Variants in CEP350 observed in about 807,000 individuals in gnomAD.
CEP350 encodes the protein centrosomal protein 350, also known as centrosome-associated protein 350.
A neutral mutation model predicts 331.8 loss-of-function variants in CEP350; 126 were observed. That is an observed-to-expected ratio of 0.38 (90% CI 0.33 to 0.44). The LOEUF (loss-of-function observed/expected upper bound fraction) is 0.44, where lower values mean the gene tolerates loss of function less well. Ranked by LOEUF, CEP350 falls within the 20% of genes least tolerant of loss-of-function variation. The pLI is 1.00. For missense variants in CEP350, 3,406 were observed against 3,634.6 expected, an observed-to-expected ratio of 0.94 and a Z score of 1.62; for synonymous variants, 1,200 against 1,259.5, an observed-to-expected ratio of 0.95 and a Z score of 1.00.
intron 29 of CEP350, among the ~76,000 whole-genome samples, chr1:180,079,951 C>T (rs1432172450): frequency 1.3e-5 from 2 of 152,102 alleles, no homozygotes; most frequent in Non-Finnish European, 2.9e-5. Context: ...TCATTTAACC[C>T]TCGCAAGAAT....
In CEP350 at chr1:180,094,050, G is replaced by T. The variant is rs369381946; in HGVS notation, c.7945G>T (p.Ala2649Ser). The T allele has an allele frequency of 2.9e-5, 46 of 1,613,662 alleles. No individual in the cohort carries two copies. The highest frequency in any genetic ancestry group is 3.7e-5 in the Non-Finnish European group (44 of 1,179,792). Residue 2649 changes from alanine to serine, a missense_variant, in exon 34 of 38, where the codon GCC becomes TCC. By Grantham distance (99) the Ala-to-Ser change is moderately conservative (BLOSUM62 1). Around this residue, in one of 5 missense-constraint regions of CEP350, gnomAD observed 1,415 missense variants for 1,512.3 expected, o/e 0.94. Transcript: ENST00000367607. The part of the protein sequence containing the change: ...NVQDISGVLE[A>S]HVHQQSSVDS... ...ACAGGACATTTCTGGGGTACTTGAA[G>T]CCCATGTTCACCAGCAGTCTTCAGT... is the stretch of plus-strand genomic sequence containing the variant.
intron 37 of CEP350, among the ~76,000 whole-genome samples, chr1:180,104,658 C>A (rs1405146663): frequency 6.6e-6 from 1 of 152,120 alleles, no homozygotes; most frequent in African/African-American, 2.4e-5. Flanking sequence ...CAGTCTCCCG[C>A]TCTTTAAAGT....
At chr1:180,062,119 A>G (rs1658263833) in intron 25 of CEP350, 101 bp from the exon 26 acceptor site, 2 of 1,041,474 alleles carry the variant, frequency 1.9e-6, no homozygotes. Flanking sequence ...AAAATACTAT[A>G]TGTATTTATT....
In CEP350 at chr1:180,091,039, C is replaced by G. The variant is rs112029781; in HGVS notation, c.6508+243C>G. ...TTTTTGTTCGAGACAGGGTCTCACT[C>G]TGTCACCCAAGCTGGAGTGCAGTGG... is the stretch of plus-strand genomic sequence containing the variant. On this transcript the variant is annotated intron_variant, in intron 33 of 37. Transcript: ENST00000367607. Among the ~76,000 whole-genome samples, 825 of 151,370 alleles carry G rather than the reference C, an allele frequency of 5.5e-3. 12 individuals carry two copies. Among genetic ancestry groups the G allele is most frequent in the African/African-American group, 0.019 (769 of 41,240 alleles).
intron 37 of CEP350, among the ~76,000 whole-genome samples, chr1:180,099,645 GA>G (rs1206546548): frequency 1.3e-5 from 2 of 151,772 alleles, no homozygotes; most frequent in Non-Finnish European, 2.9e-5. Context: ...TTTATATAAT[GA>G]AAAAAAGTGT....
intron 14 of CEP350, among the ~76,000 whole-genome samples, chr1:180,030,938 G>A (rs1163495141): frequency 6.6e-6 from 1 of 152,172 alleles, no homozygotes; most frequent in African/African-American, 2.4e-5. Flanking sequence ...AAAGAATTAT[G>A]TAGTTCAATT....
At chr1:180,087,806 C>T in intron 32 of CEP350, 89 bp downstream of exon 32, 1 of 1,238,768 alleles carries the variant, frequency 8.1e-7, no homozygotes, top group Non-Finnish European at 1.0e-6. Flanking sequence ...CTTTAAGTAA[C>T]TGAAATTACA....
chr1:180,089,765 G>A (rs1479095380), intron 32 of CEP350, among the ~76,000 whole-genome samples: 1 of 152,150 alleles, frequency 6.6e-6, no homozygotes, highest in Non-Finnish European at 1.5e-5. Flanking sequence ...TTAAGTGCCT[G>A]TTGTTTAAGT....
At chr1:180,043,238 G>A (rs1558122775) in intron 20 of CEP350, 46 bp downstream of exon 20, 1 of 1,544,524 alleles carries the variant, frequency 6.5e-7, no homozygotes, top group Non-Finnish European at 8.8e-7. Context: ...TGTCTGTTAG[G>A]TTAATATTCA....
intron 14 of CEP350, among the ~76,000 whole-genome samples, chr1:180,027,003 A>T (rs1204119909): frequency 1.3e-5 from 2 of 152,230 alleles, no homozygotes; most frequent in African/African-American, 4.8e-5. Context: ...TGGTAATGCC[A>T]TGTTTAATTT....
At chr1:180,065,079 A>G (rs2149021934) in intron 26 of CEP350, 36 bp from the exon 27 acceptor site, 1 of 1,552,248 alleles carries the variant, frequency 6.4e-7, no homozygotes, top group Non-Finnish European at 8.7e-7. Context: ...AGGTCCTATT[A>G]AAGTCCAATA....
intron 29 of CEP350, among the ~76,000 whole-genome samples, chr1:180,079,166 C>T (rs1207930973): frequency 3.4e-5 from 5 of 148,570 alleles, no homozygotes; most frequent in South Asian, 2.1e-4. Flanking sequence ...TGTCCTTAAT[C>T]GTGTACTTTA....
intron 37 of CEP350, among the ~76,000 whole-genome samples, chr1:180,104,235 T>C (rs16855286): frequency 0.035 from 5,344 of 151,544 alleles, 179 homozygotes; most frequent in African/African-American, 0.071. Context: ...TTTTTTGATA[T>C]ATTCCAAGAG....
At position 180,099,033 on chromosome 1, in the gene CEP350, A is replaced by G; in HGVS notation, c.9189+48A>G. 1.9e-6 allele frequency: 3 copies of G among 1,568,492 alleles called. No homozygotes were observed. In the South Asian group the frequency reaches 3.5e-5, roughly 18 times the overall value. On this transcript the variant is annotated intron_variant, in intron 37 of 37. Coordinates refer to ENST00000367607, the MANE Select transcript of CEP350 (RefSeq NM_014810.5). ...TTTTTATTTTGACCATATCTTTTAAACTCAGAATGCAGTTAGATTCTAAAA... is the reference window on the plus strand; with the variant it reads ...TTTTTATTTTGACCATATCTTTTAAGCTCAGAATGCAGTTAGATTCTAAAA...
At chr1:180,055,510 C>T (rs1657763054) in intron 25 of CEP350, among the ~76,000 whole-genome samples, 1 of 142,310 alleles carries the variant, frequency 7.0e-6, no homozygotes, top group African/African-American at 2.5e-5. Context: ...GGAAACATTA[C>T]AGATAATATG....
Position 180,054,529 on chromosome 1 carries a change from G to C in CEP350, c.5262+27G>C. ...TATGTTAGGGAAGGCACCCCTTTAG[G>C]ACAGCTTATAAGGCAAGTTAGTTTG... On this transcript the variant is annotated intron_variant, in intron 25 of 37. Coordinates refer to ENST00000367607, the MANE Select transcript of CEP350 (RefSeq NM_014810.5). 2.0e-6 allele frequency: 3 copies of C among 1,522,284 alleles called. No individual in the cohort carries two copies. The South Asian group carries it at 3.5e-5, about 18-fold the overall frequency. The allele number at this position is 1,522,284 out of a possible 1,614,324, so 94.3% of individuals were successfully genotyped here.
intron 5 of CEP350, among the ~76,000 whole-genome samples, chr1:179,993,967 GT>G (rs1653284495): frequency 6.6e-6 from 1 of 152,002 alleles, no homozygotes; most frequent in African/African-American, 2.4e-5. Context: ...ACATTTTCAG[GT>G]TGCATTATGT....
At chr1:179,977,185 T>A (rs1651935563) in intron 1 of CEP350, among the ~76,000 whole-genome samples, 1 of 152,264 alleles carries the variant, frequency 6.6e-6, no homozygotes, top group South Asian at 2.1e-4. Context: ...CAGGTCTTTG[T>A]GGATCACAGT....
At chr1:180,017,442 A>C (rs1272420400) in intron 11 of CEP350, among the ~76,000 whole-genome samples, 1 of 152,140 alleles carries the variant, frequency 6.6e-6, no homozygotes, top group Admixed American at 6.5e-5. Flanking sequence ...AGTTCATCTC[A>C]GTCCTATTGT....
Sources: gnomAD v4.1 joint callset for allele counts (sites outside exome capture counted in the v4.1 genomes callset) on GRCh38, gnomAD v4.1.1 for gene constraint, gnomAD v4.1.1 regional missense constraint, MANE v1.5 for transcripts, NCBI Gene and HGNC (gene_info 2026-07-23, HGNC 2026-07-21) for gene names.